AGBL1: variants seen among roughly 807,000 people sequenced by gnomAD.
The protein encoded by AGBL1 is AGBL carboxypeptidase 1, also known as cytosolic carboxypeptidase 4.
Under a neutral mutation model 118.9 loss-of-function variants are expected in AGBL1, and 130 were observed. The ratio of observed to expected loss-of-function variants is 1.09; its 90% CI spans 0.95 to 1.26. The LOEUF (loss-of-function observed/expected upper bound fraction) is 1.26, where lower values mean the gene tolerates loss of function less well. Ranked by LOEUF, AGBL1 falls within the 50% of genes most tolerant of loss-of-function variation. The probability of loss-of-function intolerance (pLI) is 0.00; values close to 1 mark genes in which losing one functional copy is unlikely to be tolerated. For synonymous variants in AGBL1, 555 were observed against 478.9 expected, an observed-to-expected ratio of 1.16 and a Z score of -2.08; for missense variants, 1,584 against 1,298.1, an observed-to-expected ratio of 1.22 and a Z score of -3.38.
intron 22 of AGBL1, among the ~76,000 whole-genome samples, chr15:86,833,404 C>T (rs191462339): frequency 4.6e-5 from 7 of 152,142 alleles, no homozygotes; most frequent in Admixed American, 2.0e-4. Flanking sequence ...TTTTCCCATG[C>T]TATTCTCCTG....
Position 86,578,350 on chromosome 15 carries a change from C to T in AGBL1, c.2994+23813C>T, listed in dbSNP as rs940293200. Among the ~76,000 whole-genome samples the T allele has an allele frequency of 4.5e-4, 69 of 152,228 alleles. 1 individual carries two copies. Among genetic ancestry groups the T allele is most frequent in the African/African-American group, 1.6e-3 (68 of 41,460 alleles). Reference sequence around the variant, plus strand: ...CCCATTTAGAATGGCTATATTTACCCAATGCCTGTATCCCCATTATATCTA... The same window carrying T: ...CCCATTTAGAATGGCTATATTTACCTAATGCCTGTATCCCCATTATATCTA... On this transcript the variant is annotated intron_variant, in intron 21 of 22. Transcript: ENST00000614907.
At chr15:86,795,062 A>G (rs2078550149) in intron 22 of AGBL1, among the ~76,000 whole-genome samples, 1 of 152,242 alleles carries the variant, frequency 6.6e-6, no homozygotes, top group Non-Finnish European at 1.5e-5. Flanking sequence ...GCTCAGGGCC[A>G]TCTGCTAAAG....
At chr15:86,125,749 T>C (rs997668988) in intron 1 of AGBL1, among the ~76,000 whole-genome samples, 14 of 152,224 alleles carry the variant, frequency 9.2e-5, no homozygotes, top group African/African-American at 2.7e-4. Flanking sequence ...ATGGAAAGGA[T>C]CAAAGTCAAA....
intron 16 of AGBL1, among the ~76,000 whole-genome samples, chr15:86,280,054 G>A (rs886135825): frequency 2.0e-5 from 3 of 152,194 alleles, no homozygotes; most frequent in Non-Finnish European, 4.4e-5. Context: ...GGACATGGGG[G>A]CATTTCTTAA....
chr15:86,095,427 C>T (rs1597385915), intron 1 of AGBL1, among the ~76,000 whole-genome samples: 1 of 151,998 alleles, frequency 6.6e-6, no homozygotes, highest in Non-Finnish European at 1.5e-5. Context: ...CTCCAGTCAC[C>T]AGCCATCTCA....
chr15:86,790,364 ACACGCATG>A, intron 22 of AGBL1, among the ~76,000 whole-genome samples: 1 of 151,734 alleles, frequency 6.6e-6, no homozygotes, highest in Non-Finnish European at 1.5e-5. Context: ...ACACACACAC[ACACGCATG>A]CACGCACGCA....
chr15:86,880,594 CTA>C (rs1281506852), intron 22 of AGBL1, among the ~76,000 whole-genome samples: 5 of 152,058 alleles, frequency 3.3e-5, no homozygotes, highest in Non-Finnish European at 7.4e-5. Context: ...GTGGCAGTGA[CTA>C]TGTGTGCATA....
At chr15:86,708,112 A>C (rs988521151) in intron 22 of AGBL1, among the ~76,000 whole-genome samples, 13 of 152,248 alleles carry the variant, frequency 8.5e-5, no homozygotes, top group Non-Finnish European at 1.8e-4. Flanking sequence ...ACAGGCATTA[A>C]CACATGTATA....
chr15:86,820,997 G>T (rs537356719), intron 22 of AGBL1, among the ~76,000 whole-genome samples: 1 of 152,286 alleles, frequency 6.6e-6, no homozygotes, highest in South Asian at 2.1e-4. Flanking sequence ...ATACTACGGA[G>T]CCAAAAAAAG....
chr15:86,755,155 A>T (rs568043654), intron 22 of AGBL1, among the ~76,000 whole-genome samples: 34 of 152,236 alleles, frequency 2.2e-4, no homozygotes, highest in Middle Eastern at 3.4e-3. Context: ...TCTATGGAAA[A>T]GACCAAAAGG....
intron 22 of AGBL1, among the ~76,000 whole-genome samples, chr15:86,748,837 C>T (rs921963199): frequency 6.6e-6 from 1 of 151,660 alleles, no homozygotes; most frequent in East Asian, 1.9e-4. Flanking sequence ...TGGTATTATT[C>T]CTGAGGGCTC....
At chr15:86,952,611 A>G (rs911144735) in intron 23 of AGBL1, among the ~76,000 whole-genome samples, 1 of 152,098 alleles carries the variant, frequency 6.6e-6, no homozygotes, top group East Asian at 1.9e-4. Flanking sequence ...AGTTTTTGAA[A>G]TATTTTCTCC....
At position 86,154,487 on chromosome 15, in the gene AGBL1, T is replaced by A; in HGVS notation, c.320T>A (p.Leu107Gln). The change falls in exon 4 of 23, where the codon CTG becomes CAG. Residue 107 changes from leucine (L) to glutamine (Q), a missense_variant. By Grantham distance (113) the Leu-to-Gln change is moderately radical. Coordinates refer to ENST00000614907, the MANE Select transcript of AGBL1 (RefSeq NM_001386094.1). ...GAAGCACTTGATGTGACATTGATTC[T>A]GGCCAGGAAGAACCTATCCCATGGC... ...ELEALDVTLI[L>Q]ARKNLSHGQN... 1 of 1,613,168 alleles carries A rather than the reference T, an allele frequency of 6.2e-7. No individual in the cohort carries two copies. The highest frequency in any genetic ancestry group is 8.5e-7 in the Non-Finnish European group (1 of 1,179,578).
At chr15:86,450,477 A>G (rs2082179567) in intron 18 of AGBL1, among the ~76,000 whole-genome samples, 1 of 152,220 alleles carries the variant, frequency 6.6e-6, no homozygotes, top group Non-Finnish European at 1.5e-5. Flanking sequence ...TGTTTGCTCT[A>G]GAATGAAGTG....
chr15:86,648,302 G>T (rs751778117), intron 21 of AGBL1, among the ~76,000 whole-genome samples: 53 of 152,164 alleles, frequency 3.5e-4, no homozygotes, highest in Non-Finnish European at 7.4e-5. Context: ...CCTATGTGGG[G>T]TGCTAGACTT....
intron 18 of AGBL1, among the ~76,000 whole-genome samples, chr15:86,509,946 ATT>A (rs71144048): frequency 0.059 from 8,465 of 142,856 alleles, 844 homozygotes; most frequent in African/African-American, 0.2. Context: ...GCTGAAGCTC[ATT>A]TTTTTTTTTT....
At chr15:86,629,098 T>C (rs1257444558) in intron 21 of AGBL1, among the ~76,000 whole-genome samples, 1 of 152,190 alleles carries the variant, frequency 6.6e-6, no homozygotes, top group Non-Finnish European at 1.5e-5. Flanking sequence ...TTACTCATTT[T>C]ATAGCTGTAA....
intron 18 of AGBL1, among the ~76,000 whole-genome samples, chr15:86,446,052 G>A (rs2082116742): frequency 6.6e-6 from 1 of 152,158 alleles, no homozygotes; most frequent in Non-Finnish European, 1.5e-5. Flanking sequence ...GTGGCTGAGA[G>A]GTGGGTAAAT....
chr15:86,715,444 G>C (rs1173956166), intron 22 of AGBL1, among the ~76,000 whole-genome samples: 3 of 152,040 alleles, frequency 2.0e-5, no homozygotes, highest in African/African-American at 7.3e-5. Flanking sequence ...CAAGAAATAA[G>C]AATTCACAGA....
Sources: gnomAD v4.1 joint callset for allele counts (sites outside exome capture counted in the v4.1 genomes callset) on GRCh38, gnomAD v4.1.1 for gene constraint, MANE v1.5 for transcripts, NCBI Gene and HGNC (gene_info 2026-07-23, HGNC 2026-07-21) for gene names.